The following CPLANE1 variants were observed in gnomAD, a reference collection of about 807,000 sequenced individuals.
The protein encoded by CPLANE1 is ciliogenesis and planar polarity effector 1.
A neutral mutation model predicts 362.5 loss-of-function variants in CPLANE1; 263 were observed. The ratio of observed to expected loss-of-function variants is 0.73; its 90% CI spans 0.66 to 0.80. The LOEUF (loss-of-function observed/expected upper bound fraction) is 0.80, where lower values mean the gene tolerates loss of function less well. CPLANE1 is among the 30% of genes least tolerant of loss of function. CPLANE1 has a pLI of 0.00. For missense variants in CPLANE1, 3,461 were observed against 3,793.4 expected, an observed-to-expected ratio of 0.91 and a Z score of 2.30; for synonymous variants, 1,212 against 1,302.6, an observed-to-expected ratio of 0.93 and a Z score of 1.50.
chr5:37,187,508 T>C lies in CPLANE1; in HGVS notation c.3986A>G (p.Tyr1329Cys). Reference sequence around the variant, plus strand: ...AAACCGAGAGAAAGGCAGCATTCTATAAGCCCATTCCACTGCACTAAGACA... The same window carrying C: ...AAACCGAGAGAAAGGCAGCATTCTACAAGCCCATTCCACTGCACTAAGACA... ...EHCLSAVEWA[Y>C]RMLPFSRFFN... is the part of the protein sequence containing the mutation. Residue 1329 changes from tyrosine (Y) to cysteine (C), a missense_variant, in exon 23 of 53, where the codon TAT (tyrosine) becomes TGT (cysteine). Transcript: ENST00000651892. The C allele has an allele frequency of 1.2e-6, 2 of 1,613,846 alleles. No individual in the cohort carries two copies. The highest frequency in any genetic ancestry group is 1.7e-6 in the Non-Finnish European group (2 of 1,179,790).
chr5:37,180,133 T>C lies in CPLANE1; in HGVS notation c.5621A>G (p.Asp1874Gly), dbSNP rs1312543279. The change falls in exon 28 of 53, where the codon GAT becomes GGT. Residue 1874 changes from aspartate (D) to glycine (G), a missense_variant. Physicochemically the swap from Asp to Gly is moderately conservative, Grantham distance 94 (BLOSUM62 -1). Transcript: ENST00000651892. ...AGTATTATGAGTGATGGAAATAATATCATCATTGATTTCTTTTATATCAGG... is the reference window on the plus strand; with the variant it reads ...AGTATTATGAGTGATGGAAATAATACCATCATTGATTTCTTTTATATCAGG... ...KNPDIKEIND[D>G]IISITHNTKK... is the part of the protein sequence containing the mutation. The C allele has an allele frequency of 6.5e-7, 1 of 1,542,520 alleles. No homozygotes were observed. Among genetic ancestry groups the C allele is most frequent in the African/African-American group, 1.4e-5 (1 of 71,758 alleles).
Position 37,187,573 on chromosome 5 carries a change from C to G in CPLANE1, c.3922-1G>C. The stretch of plus-strand genomic sequence containing the variant: ...AAGAATCAAACTCCACTTCAAGGTC[C>G]TAAAAGGATATTGAAAAACATTCAT... On this transcript the variant is annotated splice_acceptor_variant, in intron 22 of 52. Transcript: ENST00000651892. LOFTEE classifies it high-confidence loss of function. 2 of 1,601,232 alleles carry G rather than the reference C, an allele frequency of 1.2e-6. No homozygotes were observed. Among genetic ancestry groups the G allele is most frequent in the Non-Finnish European group, 1.7e-6 (2 of 1,175,380 alleles).
chr5:37,077,764 C>A, the CPLANE1 span, among the ~76,000 whole-genome samples: 1 of 151,828 alleles, frequency 6.6e-6, no homozygotes, highest in Non-Finnish European at 1.5e-5. Context: ...CAGGCACACA[C>A]CAACACACCT....
rs527957210 is a variant in CPLANE1 at position 37,199,574 on chromosome 5, G to T, written c.3508-708C>A. 2.0e-5 allele frequency among the ~76,000 whole-genome samples: 3 copies of T among 152,302 alleles called. No homozygotes were observed. The East Asian group carries it at 5.8e-4, about 29-fold the overall frequency. On this transcript the variant is annotated intron_variant, in intron 19 of 52. Coordinates refer to ENST00000651892, the MANE Select transcript of CPLANE1 (RefSeq NM_001384732.1). ...TGTCATTTGTCTTCGTATGGCCACA[G>T]TGTTCACACTCAAGTCTGATACATA...
intron 14 of CPLANE1, among the ~76,000 whole-genome samples, chr5:37,223,671 C>T (rs1795829603): frequency 6.6e-6 from 1 of 152,178 alleles, no homozygotes; most frequent in Non-Finnish European, 1.5e-5. Flanking sequence ...CACCCCATAT[C>T]CTTATCAAAA....
At chr5:37,155,980 C>T (rs549635422) in intron 41 of CPLANE1, among the ~76,000 whole-genome samples, 1 of 152,294 alleles carries the variant, frequency 6.6e-6, no homozygotes, top group Admixed American at 6.5e-5. Flanking sequence ...ATCTTAGCAG[C>T]CCCATGACAG....
chr5:37,142,548 A>G, intron 43 of CPLANE1, 68 bp from the exon 44 acceptor site: 2 of 1,067,524 alleles, frequency 1.9e-6, no homozygotes, highest in Non-Finnish European at 1.3e-6. Flanking sequence ...GGAAAAGACA[A>G]TTGCCACTAT....
At position 37,209,619 on chromosome 5, in the gene CPLANE1, G is replaced by A. The variant is rs1299040244; in HGVS notation, c.2921-3194C>T. On this transcript the variant is annotated intron_variant, in intron 16 of 52. Transcript: ENST00000651892. The surrounding 1 kb of genome is among the most constrained non-coding windows in gnomAD (Gnocchi z 4.6). ...AGTGGCAGATCACTTACAAAGATGT[G>A]GCTGTGAATATTCACTTTCTGTTTT... The A allele has an allele frequency of 2.1e-6, 3 of 1,437,820 alleles. No homozygotes were observed. Among genetic ancestry groups the A allele is most frequent in the African/African-American group, 2.8e-5 (2 of 71,278 alleles). 89.1% of individuals were successfully genotyped at this position (1,437,820 alleles called of 1,614,324 possible).
At chr5:37,162,385 C>T (rs1777063150) in intron 38 of CPLANE1, 80 bp downstream of exon 38, 1 of 846,974 alleles carries the variant, frequency 1.2e-6, no homozygotes, top group South Asian at 1.7e-5. Context: ...CCCTTTAAAT[C>T]ACTGTCTTAA....
chr5:37,226,395 G>C lies in CPLANE1; in HGVS notation c.2200C>G (p.Gln734Glu), dbSNP rs753359539. The C allele has an allele frequency of 1.2e-5, 18 of 1,549,828 alleles. No homozygotes were observed. Among genetic ancestry groups the C allele is most frequent in the Non-Finnish European group, 1.5e-5 (17 of 1,146,444 alleles). ...CAGTTTTTCTGAAAACCACTATCTT[G>C]AAACATCTGAAAAATAGGTACCACC... ...SLVVPIFQMF[Q>E]DSGFQKNWSW... is the part of the protein sequence containing the mutation. Residue 734 changes from glutamine to glutamate, a missense_variant, in exon 12 of 53, where the codon CAA (glutamine) becomes GAA (glutamate). By Grantham distance (29) the Gln-to-Glu change is conservative (BLOSUM62 2). This residue lies in a region of CPLANE1 where 3,380 missense variants were observed against 3,666.1 expected (regional missense o/e 0.92). Coordinates refer to ENST00000651892, the MANE Select transcript of CPLANE1 (RefSeq NM_001384732.1).
chr5:37,211,820 T>C (rs1792691753), intron 16 of CPLANE1: 1 of 807,366 alleles, frequency 1.2e-6, no homozygotes, highest in Non-Finnish European at 2.3e-6. Flanking sequence ...AGCTAGCTTT[T>C]AAGGATAACG....
At chr5:37,124,133 C>G (rs1210834395) in intron 47 of CPLANE1, among the ~76,000 whole-genome samples, 1 of 152,108 alleles carries the variant, frequency 6.6e-6, no homozygotes, top group Non-Finnish European at 1.5e-5. Flanking sequence ...CAATAGTTCA[C>G]CTACTTTTGC....
intron 23 of CPLANE1, among the ~76,000 whole-genome samples, chr5:37,186,979 T>A (rs1263340580): frequency 7.1e-6 from 1 of 140,784 alleles, no homozygotes; most frequent in African/African-American, 2.7e-5. Flanking sequence ...GAGAATGGCG[T>A]GAACCCGGGA....
chr5:37,224,515 A>G lies in CPLANE1; in HGVS notation c.2500+17T>C, dbSNP rs1796031139. 2 of 1,499,064 alleles carry G rather than the reference A, an allele frequency of 1.3e-6. No individual in the cohort carries two copies. The highest frequency in any genetic ancestry group is 1.8e-6 in the Non-Finnish European group (2 of 1,101,282). The allele number at this position is 1,499,064 out of a possible 1,614,324, so 92.9% of individuals were successfully genotyped here. On this transcript the variant is annotated intron_variant, in intron 13 of 52. Coordinates refer to ENST00000651892, the MANE Select transcript of CPLANE1 (RefSeq NM_001384732.1). ...TCATTTATTCATGGAGTTAGAAAAT[A>G]TTCATAAGATACTGACCATTGATAG...
intron 43 of CPLANE1, among the ~76,000 whole-genome samples, chr5:37,145,967 G>C (rs1010196763): frequency 6.6e-6 from 1 of 152,136 alleles, no homozygotes; most frequent in Non-Finnish European, 1.5e-5. Context: ...AAGAAATACA[G>C]AGGAGAAAAC....
intron 16 of CPLANE1, chr5:37,212,009 A>G: frequency 1.0e-6 from 1 of 981,598 alleles, no homozygotes; most frequent in Non-Finnish European, 1.7e-6. Context: ...AAGAAGAAAA[A>G]ATATGGGAAC....
At chr5:37,244,144 C>A (rs1238843351) in intron 5 of CPLANE1, among the ~76,000 whole-genome samples, 1 of 152,034 alleles carries the variant, frequency 6.6e-6, no homozygotes, top group East Asian at 1.9e-4. Context: ...GCCACCGCGC[C>A]CGGCATAACA....
At chr5:37,134,975 T>C (rs1490410325) in intron 46 of CPLANE1, among the ~76,000 whole-genome samples, 1 of 151,828 alleles carries the variant, frequency 6.6e-6, no homozygotes, top group Non-Finnish European at 1.5e-5. Context: ...GTATTTTTAG[T>C]AGAGATGGGG....
chr5:37,229,746 G>C (rs1158611129), intron 9 of CPLANE1, among the ~76,000 whole-genome samples: 1 of 152,048 alleles, frequency 6.6e-6, no homozygotes, highest in African/African-American at 2.4e-5. Flanking sequence ...ATGCCAGACA[G>C]TGCTGATTTA....
Sources: gnomAD v4.1 joint callset for allele counts (sites outside exome capture counted in the v4.1 genomes callset) on GRCh38, gnomAD v4.1.1 for gene constraint, gnomAD v4.1.1 regional missense constraint, Gnocchi (gnomAD v3.1) non-coding constraint, MANE v1.5 for transcripts, NCBI Gene and HGNC (gene_info 2026-07-23, HGNC 2026-07-21) for gene names.